Variants in RARB observed in about 807,000 individuals in gnomAD.
The protein encoded by RARB is retinoic acid receptor beta.
In RARB, 17 loss-of-function variants were observed where a neutral mutation model predicts 51.9. The observed-to-expected ratio is 0.33, with a 90% confidence interval of 0.22 to 0.49. The LOEUF (loss-of-function observed/expected upper bound fraction) is 0.49, where lower values mean the gene tolerates loss of function less well. RARB is among the 20% of genes least tolerant of loss of function. The pLI is 0.99. For synonymous variants in RARB, 215 were observed against 195.4 expected, an observed-to-expected ratio of 1.10 and a Z score of -0.84; for missense variants, 369 against 550.8, an observed-to-expected ratio of 0.67 and a Z score of 3.30.
intron 2 of RARB, among the ~76,000 whole-genome samples, chr3:24,889,342 G>C (rs938896530): frequency 7.2e-5 from 11 of 152,134 alleles, no homozygotes; most frequent in African/African-American, 2.2e-4. Context: ...TTTTCCATTA[G>C]TGAGCCAAAG....
At chr3:25,206,968 C>G (rs1575219894) in intron 5 of RARB, among the ~76,000 whole-genome samples, 1 of 152,156 alleles carries the variant, frequency 6.6e-6, no homozygotes, top group Non-Finnish European at 1.5e-5. Flanking sequence ...AAAGTGGGGA[C>G]TTTGCAGAAT....
chr3:24,829,336 C>T (rs1468487411), upstream of RARB, among the ~76,000 whole-genome samples: 3 of 151,732 alleles, frequency 2.0e-5, no homozygotes, highest in Non-Finnish European at 4.4e-5. Flanking sequence ...CTCTCAGCGG[C>T]GGCGGCAGGG....
At chr3:24,994,926 T>C (rs1015246782) in intron 2 of RARB, among the ~76,000 whole-genome samples, 1 of 152,178 alleles carries the variant, frequency 6.6e-6, no homozygotes, top group Non-Finnish European at 1.5e-5. Flanking sequence ...GGTAGTGTGA[T>C]ACTTCCAGCT....
intron 5 of RARB, among the ~76,000 whole-genome samples, chr3:25,323,442 C>T (rs768237597): frequency 1.8e-4 from 27 of 152,156 alleles, no homozygotes; most frequent in African/African-American, 3.9e-4. Context: ...AACATTCATA[C>T]GCAACAAAAC....
chr3:25,432,584 T>C (rs372771176), intron 1 of RARB, among the ~76,000 whole-genome samples: 13 of 152,324 alleles, frequency 8.5e-5, no homozygotes, highest in South Asian at 2.1e-4. Flanking sequence ...GGTATTGTTA[T>C]GCACTTTTCT....
intron 5 of RARB, among the ~76,000 whole-genome samples, chr3:25,327,641 T>G (rs1413943285): frequency 1.3e-5 from 2 of 152,298 alleles, no homozygotes; most frequent in Admixed American, 6.5e-5. Flanking sequence ...TTTGACCAGA[T>G]TAGGCAGTTA....
intron 5 of RARB, among the ~76,000 whole-genome samples, chr3:25,283,561 G>A (rs1480995828): frequency 6.6e-6 from 1 of 152,182 alleles, no homozygotes; most frequent in Non-Finnish European, 1.5e-5. Context: ...GCTCATTGGA[G>A]TCTATGAATA....
At chr3:25,255,950 A>C (rs920018789) in intron 5 of RARB, among the ~76,000 whole-genome samples, 1 of 152,132 alleles carries the variant, frequency 6.6e-6, no homozygotes, top group Non-Finnish European at 1.5e-5. Context: ...TTTTTCAGTG[A>C]GATTTCTTAA....
At chr3:25,249,681 A>AT (rs775744919) in intron 5 of RARB, among the ~76,000 whole-genome samples, 4,164 of 95,168 alleles carry the variant, frequency 0.044, 182 homozygotes, top group East Asian at 0.16. Flanking sequence ...TCTCTGTATG[A>AT]TTTTTTTTTT....
chr3:25,521,059 CAG>C (rs1698381194), intron 3 of RARB, among the ~76,000 whole-genome samples: 1 of 152,128 alleles, frequency 6.6e-6, no homozygotes, highest in African/African-American at 2.4e-5. Flanking sequence ...GCTTTAGAAA[CAG>C]AGGATATAAA....
chr3:24,873,624 G>T (rs1575047085), intron 2 of RARB, among the ~76,000 whole-genome samples: 1 of 147,270 alleles, frequency 6.8e-6, no homozygotes, highest in African/African-American at 2.5e-5. Flanking sequence ...TTTTATTTGG[G>T]TTTATGCTTT....
intron 2 of RARB, among the ~76,000 whole-genome samples, chr3:24,966,350 A>T (rs1463258483): frequency 6.6e-6 from 1 of 152,174 alleles, no homozygotes; most frequent in East Asian, 1.9e-4. Flanking sequence ...AACAATTTTA[A>T]CAAATGAAAG....
chr3:25,507,307 C>T (rs981921021), intron 3 of RARB, among the ~76,000 whole-genome samples: 29 of 151,982 alleles, frequency 1.9e-4, no homozygotes, highest in Non-Finnish European at 3.1e-4. Context: ...TTCTCCCTGG[C>T]TTTACTTTCT....
At chr3:25,128,524 T>G (rs1359313374) in intron 3 of RARB, among the ~76,000 whole-genome samples, 1 of 150,804 alleles carries the variant, frequency 6.6e-6, no homozygotes, top group Non-Finnish European at 1.5e-5. Flanking sequence ...TCACTTTTTT[T>G]GTACTTTTGG....
At chr3:25,583,759 A>G (rs1217172831) in intron 5 of RARB, among the ~76,000 whole-genome samples, 1 of 152,258 alleles carries the variant, frequency 6.6e-6, no homozygotes, top group African/African-American at 2.4e-5. Flanking sequence ...GGTTGGGTCC[A>G]GAAGATTCTG....
intron 5 of RARB, among the ~76,000 whole-genome samples, chr3:25,584,346 C>G (rs1237601571): frequency 6.6e-6 from 1 of 152,164 alleles, no homozygotes; most frequent in Admixed American, 6.5e-5. Context: ...TAGACAGCGT[C>G]TTACATGCAA....
At chr3:25,243,139 G>A (rs1430393790) in intron 5 of RARB, among the ~76,000 whole-genome samples, 1 of 151,890 alleles carries the variant, frequency 6.6e-6, no homozygotes, top group Non-Finnish European at 1.5e-5. Context: ...GAGTGCTTGT[G>A]ATTTTTGCAG....
intron 3 of RARB, among the ~76,000 whole-genome samples, chr3:25,523,461 A>C (rs908295022): frequency 6.6e-6 from 1 of 152,184 alleles, no homozygotes; most frequent in African/African-American, 2.4e-5. Context: ...CGAATTCAAG[A>C]TTTATAGAAG....
chr3:25,422,469 T>A (rs562959172), intron 5 of RARB, among the ~76,000 whole-genome samples: 2 of 152,294 alleles, frequency 1.3e-5, no homozygotes, highest in South Asian at 2.1e-4. Flanking sequence ...ACATTTTCCA[T>A]CTCTCAAATG....
Sources: gnomAD v4.1 joint callset for allele counts (sites outside exome capture counted in the v4.1 genomes callset) on GRCh38, gnomAD v4.1.1 for gene constraint, MANE v1.5 for transcripts, NCBI Gene and HGNC (gene_info 2026-07-23, HGNC 2026-07-21) for gene names.